Variants in NBPF8 observed in about 807,000 individuals in gnomAD.
NBPF8 encodes NBPF member 8.
intron 13 of NBPF8, among the ~76,000 whole-genome samples, chr1:120,452,623 G>T (rs1661313908): frequency 6.6e-6 from 1 of 152,258 alleles, no homozygotes; most frequent in Non-Finnish European, 1.5e-5. Flanking sequence ...GAGCAGGCTT[G>T]TTAGAGTGAA....
chr1:120,430,861 G>A (rs1660856487), intron 3 of NBPF8, among the ~76,000 whole-genome samples: 1 of 151,654 alleles, frequency 6.6e-6, no homozygotes. Flanking sequence ...TAAATTAGTG[G>A]GGAGATAAAC....
intron 17 of NBPF8, 73 bp downstream of exon 15, chr1:120,459,603 G>A (rs1661517952): frequency 7.3e-7 from 1 of 1,375,834 alleles, no homozygotes; most frequent in African/African-American, 1.9e-5. Flanking sequence ...TTTGGGCCTT[G>A]TGCCGCTTGT....
At chr1:120,424,597 G>A (rs1209827212) in intron 1 of NBPF8, among the ~76,000 whole-genome samples, 10 of 152,192 alleles carry the variant, frequency 6.6e-5, no homozygotes, top group Non-Finnish European at 1.5e-4. Context: ...ACAGGCGCCT[G>A]CCACCACACC....
intron 14 of NBPF8, 72 bp downstream of exon 12, chr1:120,453,516 T>C: frequency 8.7e-7 from 1 of 1,155,186 alleles, no homozygotes; most frequent in Non-Finnish European, 1.3e-6. Context: ...ACACCCTCTC[T>C]GGCATCTATG....
upstream of NBPF8, among the ~76,000 whole-genome samples, chr1:120,435,782 C>T (rs1311962544): frequency 1.3e-5 from 2 of 151,488 alleles, no homozygotes; most frequent in South Asian, 2.1e-4. Flanking sequence ...AGGAGAATAG[C>T]GTGAACCTGG....
At chr1:120,434,304 C>A (rs1460264989), upstream of NBPF8, among the ~76,000 whole-genome samples, 2 of 140,386 alleles carry the variant, frequency 1.4e-5, no homozygotes, top group East Asian at 4.0e-4. Context: ...TATATATACA[C>A]GTATGTATAT....
At chr1:120,417,619 C>T (rs1570921389), upstream of NBPF8, among the ~76,000 whole-genome samples, 5 of 47,356 alleles carry the variant, frequency 1.1e-4, no homozygotes, top group African/African-American at 1.4e-4. Context: ...TTTTTTTTTT[C>T]AGACAGGGCC....
chr1:120,420,826 A>G (rs1411464341), intron 1 of NBPF8, among the ~76,000 whole-genome samples: 1 of 149,084 alleles, frequency 6.7e-6, no homozygotes, highest in Non-Finnish European at 1.5e-5. Flanking sequence ...TAGAGACCCC[A>G]TAACGAGTAA....
At chr1:120,421,184 A>T (rs1361633659) in intron 1 of NBPF8, among the ~76,000 whole-genome samples, 1 of 152,150 alleles carries the variant, frequency 6.6e-6, no homozygotes, top group Non-Finnish European at 1.5e-5. Flanking sequence ...CAGAGGAATA[A>T]TGTGTTTCAG....
downstream of NBPF8, among the ~76,000 whole-genome samples, chr1:120,469,081 A>G: frequency 6.9e-6 from 1 of 144,204 alleles, no homozygotes; most frequent in Non-Finnish European, 1.5e-5. Context: ...CAGAACTTCA[A>G]TCGTTTACAA....
At chr1:120,418,611 T>C (rs1660489607), upstream of NBPF8, among the ~76,000 whole-genome samples, 1 of 143,538 alleles carries the variant, frequency 7.0e-6, no homozygotes, top group South Asian at 2.3e-4. Context: ...AGTGGAGTGG[T>C]ATGATCATGG....
chr1:120,468,478 T>G, downstream of NBPF8, among the ~76,000 whole-genome samples: 2 of 137,516 alleles, frequency 1.5e-5, no homozygotes, highest in African/African-American at 5.8e-5. Context: ...TTTTCTGGAG[T>G]TTTTAGGAGA....
At chr1:120,468,911 A>G (rs1235359917), downstream of NBPF8, among the ~76,000 whole-genome samples, 66 of 149,488 alleles carry the variant, frequency 4.4e-4, no homozygotes, top group African/African-American at 1.6e-3. Flanking sequence ...AAATCACCTG[A>G]GGGCCACAGT....
At chr1:120,454,489 G>C (rs1259835636) in intron 15 of NBPF8, among the ~76,000 whole-genome samples, 1 of 152,060 alleles carries the variant, frequency 6.6e-6, no homozygotes, top group Non-Finnish European at 1.5e-5. Context: ...CCTTGCCTTT[G>C]TATTTGGAAT....
chr1:120,417,897 G>A (rs1171637016), upstream of NBPF8, among the ~76,000 whole-genome samples: 33 of 128,430 alleles, frequency 2.6e-4, 1 homozygote, highest in African/African-American at 8.2e-4. Flanking sequence ...CACCCCACCC[G>A]GCTGTGATTC....
intron 1 of NBPF8, among the ~76,000 whole-genome samples, chr1:120,425,406 CA>C (rs1660695415): frequency 6.6e-6 from 1 of 152,018 alleles, no homozygotes; most frequent in Non-Finnish European, 1.5e-5. Context: ...ATATGCACAT[CA>C]AAAGCACAGC....
At chr1:120,432,380 T>TA (rs1220758610), upstream of NBPF8, 1 of 73,490 alleles carries the variant, frequency 1.4e-5, no homozygotes, top group Non-Finnish European at 2.6e-5. Context: ...GCTTCTTTTT[T>TA]TTTTTTTTTC....
upstream of NBPF8, among the ~76,000 whole-genome samples, chr1:120,419,606 G>A (rs1380768099): frequency 3.9e-5 from 6 of 152,024 alleles, no homozygotes; most frequent in Non-Finnish European, 5.9e-5. Flanking sequence ...CTACAAGTGT[G>A]TGCCACCATG....
At chr1:120,435,916 T>C (rs1194546349), upstream of NBPF8, among the ~76,000 whole-genome samples, 1 of 151,638 alleles carries the variant, frequency 6.6e-6, no homozygotes, top group Non-Finnish European at 1.5e-5. Flanking sequence ...ATTCCATTTT[T>C]TTATTTATGA....
Sources: allele counts gnomAD v4.1 joint callset (sites outside exome capture counted in the v4.1 genomes callset), GRCh38; gene constraint gnomAD v4.1.1; transcripts MANE v1.5; gene names NCBI Gene and HGNC (gene_info 2026-07-23, HGNC 2026-07-21).